The following CREB5 variants were observed in gnomAD, a reference collection of about 807,000 sequenced individuals.
CREB5 encodes cyclic AMP-responsive element-binding protein 5.
Under a neutral mutation model 57.1 loss-of-function variants are expected in CREB5, and 19 were observed. The observed-to-expected ratio is 0.33, with a 90% CI of 0.23 to 0.49. CREB5 has a LOEUF of 0.49. CREB5 is among the 20% of genes least tolerant of loss of function. The pLI is 0.99. For missense variants in CREB5, 579 were observed against 671.6 expected (o/e 0.86, Z 1.52); for synonymous variants, 238 against 238.3 (o/e 1.00, Z 0.01).
intron 7 of CREB5, among the ~76,000 whole-genome samples, chr7:28,797,678 T>C (rs922740608): frequency 6.6e-6 from 1 of 152,210 alleles, no homozygotes; most frequent in Non-Finnish European, 1.5e-5. Flanking sequence ...GAACTGTTGT[T>C]TTTCTGTCTA....
rs1241522647 is a variant in CREB5 at position 28,825,227 on chromosome 7, A to G, written c.*5948A>G. The G allele has an allele frequency of 6.6e-6, 1 of 152,522 alleles. No homozygotes were observed. Among genetic ancestry groups the G allele is most frequent in the African/African-American group, 2.4e-5 (1 of 41,420 alleles). 9.4% of individuals were successfully genotyped at this position (152,522 alleles called of 1,614,324 possible). On this transcript the variant is annotated 3_prime_UTR_variant, in exon 11 of 11. Transcript: ENST00000357727. ...GAGTGGAGGGAGTTTAAGAGAAAGG[A>G]CCCTTCCCAACCAGCAGCCAGTAGA... is the stretch of plus-strand genomic sequence containing the variant.
intron 5 of CREB5, among the ~76,000 whole-genome samples, chr7:28,708,706 C>A (rs1020695701): frequency 2.0e-5 from 3 of 152,156 alleles, no homozygotes; most frequent in Non-Finnish European, 4.4e-5. Context: ...GAAGATTGTG[C>A]TAGGTGTGGA....
chr7:28,816,260 G>A (rs1809435042), intron 9 of CREB5, among the ~76,000 whole-genome samples: 1 of 152,160 alleles, frequency 6.6e-6, no homozygotes, highest in Non-Finnish European at 1.5e-5. Flanking sequence ...TAAAGTCAAA[G>A]AGGAAGAAGT....
At chr7:28,388,182 G>A (rs1433196447) in intron 1 of CREB5, among the ~76,000 whole-genome samples, 2 of 152,148 alleles carry the variant, frequency 1.3e-5, no homozygotes, top group Non-Finnish European at 2.9e-5. Context: ...TAATTTGTTG[G>A]CCTAAGGTTT....
At chr7:28,614,325 G>C (rs1797517720) in intron 5 of CREB5, among the ~76,000 whole-genome samples, 1 of 152,136 alleles carries the variant, frequency 6.6e-6, no homozygotes, top group Non-Finnish European at 1.5e-5. Flanking sequence ...TTGATCTTTT[G>C]GTTATGGGAT....
At chr7:28,788,830 T>TA (rs11403343) in intron 7 of CREB5, among the ~76,000 whole-genome samples, 38,932 of 136,898 alleles carry the variant, frequency 0.28, 5,376 homozygotes, top group African/African-American at 0.38. Flanking sequence ...TCTTCTGGTT[T>TA]AAAAAAAAAA....
intron 1 of CREB5, among the ~76,000 whole-genome samples, chr7:28,396,248 GAGAA>G (rs1185925657): frequency 1.3e-5 from 2 of 152,194 alleles, no homozygotes; most frequent in African/African-American, 2.4e-5. Flanking sequence ...CATGGTGCCT[GAGAA>G]AGAGTTAGAT....
intron 5 of CREB5, chr7:28,609,263 G>C (rs1797295475): frequency 6.6e-6 from 1 of 152,082 alleles, no homozygotes; most frequent in Non-Finnish European, 1.5e-5. Context: ...TAGTTTCTTT[G>C]GGGTCCTATG....
intron 5 of CREB5, among the ~76,000 whole-genome samples, chr7:28,628,028 T>G (rs1798067386): frequency 6.6e-6 from 1 of 152,084 alleles, no homozygotes; most frequent in East Asian, 1.9e-4. Flanking sequence ...CAGTAATGCC[T>G]CTCTTTTCCA....
At chr7:28,550,746 T>C (rs1173907291) in intron 4 of CREB5, among the ~76,000 whole-genome samples, 1 of 152,234 alleles carries the variant, frequency 6.6e-6, no homozygotes, top group Non-Finnish European at 1.5e-5. Flanking sequence ...GCTCTAAATA[T>C]AATTTAACAA....
intron 9 of CREB5, among the ~76,000 whole-genome samples, chr7:28,812,809 G>T (rs1809203153): frequency 6.6e-6 from 1 of 152,154 alleles, no homozygotes; most frequent in Admixed American, 6.6e-5. Flanking sequence ...CTCTCTTGAG[G>T]CTGGACCAGT....
At chr7:28,393,256 C>G (rs1363054290) in intron 1 of CREB5, among the ~76,000 whole-genome samples, 2 of 152,182 alleles carry the variant, frequency 1.3e-5, no homozygotes, top group Non-Finnish European at 2.9e-5. Context: ...CAAGAAATTT[C>G]AAATATTTTT....
At chr7:28,689,958 A>C (rs957028329) in intron 5 of CREB5, among the ~76,000 whole-genome samples, 5 of 126,568 alleles carry the variant, frequency 4.0e-5, no homozygotes, top group Non-Finnish European at 6.5e-5. Flanking sequence ...TGTTTTTGTC[A>C]ATGTAAAAAC....
intron 1 of CREB5, among the ~76,000 whole-genome samples, chr7:28,341,095 C>T (rs1426744106): frequency 4.6e-5 from 7 of 152,008 alleles, no homozygotes; most frequent in East Asian, 3.9e-4. Context: ...GTACTGTGAC[C>T]GCTCATCTGA....
chr7:28,580,039 G>A (rs772505174), intron 5 of CREB5, among the ~76,000 whole-genome samples: 3 of 152,080 alleles, frequency 2.0e-5, no homozygotes, highest in Admixed American at 1.3e-4. Flanking sequence ...TTCCAGTATT[G>A]TTTGGGTTGT....
At chr7:28,304,952 T>C (rs1472782748) in intron 1 of CREB5, among the ~76,000 whole-genome samples, 1 of 152,222 alleles carries the variant, frequency 6.6e-6, no homozygotes, top group Admixed American at 6.5e-5. Flanking sequence ...CTGGGAAGTA[T>C]TTCTTCACTG....
intron 4 of CREB5, among the ~76,000 whole-genome samples, chr7:28,531,742 T>C (rs528715133): frequency 1.1e-4 from 17 of 152,134 alleles, no homozygotes; most frequent in Non-Finnish European, 2.4e-4. Flanking sequence ...AACTAAAAAC[T>C]GAGGCTAGCC....
intron 4 of CREB5, among the ~76,000 whole-genome samples, chr7:28,542,365 C>A (rs1794241514): frequency 6.6e-6 from 1 of 152,034 alleles, no homozygotes; most frequent in African/African-American, 2.4e-5. Flanking sequence ...TGTTTATGAC[C>A]CCTCTTCGGG....
intron 1 of CREB5, among the ~76,000 whole-genome samples, chr7:28,446,719 G>A (rs1460926789): frequency 2.0e-5 from 3 of 152,174 alleles, no homozygotes; most frequent in African/African-American, 7.2e-5. Flanking sequence ...GTGAACCCGG[G>A]AGGTGGAGAT....
Sources: gnomAD v4.1 joint callset for allele counts (sites outside exome capture counted in the v4.1 genomes callset) on GRCh38, gnomAD v4.1.1 for gene constraint, MANE v1.5 for transcripts, NCBI Gene and HGNC (gene_info 2026-07-23, HGNC 2026-07-21) for gene names.